The following PCNT variants were observed in gnomAD, a reference collection of about 807,000 sequenced individuals.
PCNT encodes the protein kendrin.
In PCNT, 319 loss-of-function variants were observed where a neutral mutation model predicts 380.4. The ratio of observed to expected loss-of-function variants is 0.84; its 90% CI spans 0.77 to 0.92. The LOEUF (loss-of-function observed/expected upper bound fraction) is 0.92. PCNT is among the 40% of genes least tolerant of loss of function. The pLI is 0.00. For synonymous variants in PCNT, 1,845 were observed against 1,735.2 expected, an observed-to-expected ratio of 1.06 and a Z score of -1.57; for missense variants, 4,400 against 4,255.3, an observed-to-expected ratio of 1.03 and a Z score of -0.95.
chr21:46,385,811 T>G, intron 16 of PCNT, 21 bp from the exon 17 acceptor site: 1 of 1,614,038 alleles, frequency 6.2e-7, no homozygotes, highest in Non-Finnish European at 8.5e-7. Context: ...TAACGAAAGC[T>G]TTAACCATTT....
intron 20 of PCNT, 137 bp downstream of exon 20, chr21:46,390,969 G>A: frequency 8.2e-7 from 1 of 1,215,040 alleles, no homozygotes; most frequent in Non-Finnish European, 1.2e-6. Flanking sequence ...AGGCACCCAT[G>A]GTTTGGGAGG....
chr21:46,435,097 G>C (rs2087911908), intron 38 of PCNT, among the ~76,000 whole-genome samples: 1 of 152,234 alleles, frequency 6.6e-6, no homozygotes, highest in Non-Finnish European at 1.5e-5. Context: ...CAGTGTGTCA[G>C]CTGTGGGTCC....
At chr21:46,364,788 G>T (rs755960280) in intron 14 of PCNT, among the ~76,000 whole-genome samples, 5 of 152,196 alleles carry the variant, frequency 3.3e-5, no homozygotes, top group Non-Finnish European at 5.9e-5. Context: ...CCCGCTCAGG[G>T]ATTGGAGAAA....
chr21:46,426,553 C>G (rs898682917), intron 33 of PCNT, among the ~76,000 whole-genome samples: 1 of 152,188 alleles, frequency 6.6e-6, no homozygotes, highest in Non-Finnish European at 1.5e-5. Flanking sequence ...CGGACTCGGC[C>G]CATTCCAGCA....
chr21:46,422,003 CG>C lies in PCNT; in HGVS notation c.7062del (p.Ser2355GlnfsTer12). On this transcript the variant is annotated frameshift_variant, in exon 32 of 47. Coordinates refer to ENST00000359568, the MANE Select transcript of PCNT (RefSeq NM_006031.6). LOFTEE classifies it high-confidence loss of function. ...DGSGFGARLS[P>X]GSGGPEAQTA... The stretch of plus-strand genomic sequence containing the variant: ...TCGGGTTTTGGAGCAAGACTGAGCC[CG>C]GGGTCAGGAGGCCCTGAGGCTCAAA... 6.2e-7 allele frequency: 1 copy of C among 1,614,084 alleles called. No homozygotes were observed. The highest frequency in any genetic ancestry group is 8.5e-7 in the Non-Finnish European group (1 of 1,180,014).
At chr21:46,423,461 G>C (rs1291076046) in intron 32 of PCNT, among the ~76,000 whole-genome samples, 2 of 151,718 alleles carry the variant, frequency 1.3e-5, no homozygotes, top group Non-Finnish European at 2.9e-5. Context: ...AAGGTGCTGG[G>C]ATTACAGTGT....
At chr21:46,359,506 T>TTTTTTTTTTTTTTTTTTTTTTTTTTTTC (rs1384504010) in intron 13 of PCNT, among the ~76,000 whole-genome samples, 1 of 126,230 alleles carries the variant, frequency 7.9e-6, no homozygotes, top group African/African-American at 2.9e-5. Flanking sequence ...TTTTTTTTTT[T>TTTTTTTTTTTTTTTTTTTTTTTTTTTTC]TGAGACAGTG....
chr21:46,326,619 T>C, intron 2 of PCNT, 30 bp downstream of exon 2: 2 of 1,595,176 alleles, frequency 1.3e-6, no homozygotes, highest in South Asian at 1.1e-5. Flanking sequence ...TATTTGAACA[T>C]TTCGCTTATC....
At chr21:46,336,885 C>CA (rs1009546575) in intron 3 of PCNT, among the ~76,000 whole-genome samples, 2 of 151,868 alleles carry the variant, frequency 1.3e-5, no homozygotes, top group African/African-American at 4.8e-5. Flanking sequence ...TTCTGCCCTC[C>CA]CCCCCAGGTT....
At position 46,385,914 on chromosome 21, in the gene PCNT, G is replaced by A. The variant is rs200148867; in HGVS notation, c.3395G>A (p.Arg1132Gln). ...GAGGTGCTGCAGCAGAGGCGGGAGC[G>A]GGAGAACCGGGAAGGCGCAAACCTC... ...ELEVLQQRRE[R>Q]ENREGANLLS... Residue 1132 changes from arginine to glutamine, a missense_variant, in exon 17 of 47, where the codon CGG becomes CAG. Transcript: ENST00000359568. The A allele has an allele frequency of 6.4e-5, 104 of 1,614,076 alleles. 2 individuals are homozygous for A. In the East Asian group the frequency reaches 8.2e-4, roughly 13 times the overall value.
chr21:46,416,584 T>C lies in PCNT; in HGVS notation c.6666T>C (p.Ser2222=). The part of the protein sequence containing the change: ...RKSPVGMLDL[S]SWSSPEVLRK... ...GCCCGGTCGGGATGCTGGACCTGTC[T>C]TCCTGGAGCTCCCCTGAGGTCCTCA... The change falls in exon 30 of 47, where the codon TCT becomes TCC. Residue 2222 remains serine (S), a synonymous_variant. Transcript: ENST00000359568. 1 of 1,608,336 alleles carries C rather than the reference T, an allele frequency of 6.2e-7. No individual in the cohort carries two copies. The highest frequency in any genetic ancestry group is 2.2e-5 in the East Asian group (1 of 44,852).
At position 46,349,129 on chromosome 21, in the gene PCNT, T is replaced by C. The variant is rs911239302; in HGVS notation, c.1150T>C (p.Leu384=). ...TTTACAAAACCAGTTTCAGAAAGAA[T>C]TGGCAGAACAGAGAGCTGAGTTGGA... ...EDLQNQFQKE[L]AEQRAELEKI... is the part of the protein sequence containing the mutation. The change falls in exon 7 of 47, where the codon TTG becomes CTG. Residue 384 remains leucine, a synonymous_variant. Coordinates refer to ENST00000359568, the MANE Select transcript of PCNT (RefSeq NM_006031.6). 1.2e-6 allele frequency: 2 copies of C among 1,613,708 alleles called. No homozygotes were observed. The highest frequency in any genetic ancestry group is 1.1e-5 in the South Asian group (1 of 91,074).
At position 46,416,924 on chromosome 21, in the gene PCNT, ACCT is replaced by A. The variant is rs1468411512; in HGVS notation, c.6921+89_6921+91del. 5 of 1,375,736 alleles carry A rather than the reference ACCT, an allele frequency of 3.6e-6. No homozygotes were observed. The African/African-American group carries it at 4.3e-5, about 12-fold the overall frequency. The allele number at this position is 1,375,736 out of a possible 1,614,324, so 85.2% of individuals were successfully genotyped here. A position where few individuals can be genotyped will look rare whatever the true frequency, so the allele number is the denominator to read the frequency against. ...CCACGGCAGCTGCCATTGTTTGTTC[ACCT>A]CCTGACAGCACACACCTCGCAGTGC... is the stretch of plus-strand genomic sequence containing the variant. On this transcript the variant is annotated intron_variant, in intron 30 of 46. Coordinates refer to ENST00000359568, the MANE Select transcript of PCNT (RefSeq NM_006031.6).
Position 46,346,911 on chromosome 21 carries a change from A to G in PCNT, c.889A>G (p.Ser297Gly), listed in dbSNP as rs1042835525. Reference protein sequence around the residue: ...RRAQELALLQSRQQHELELLR... With the variant: ...RRAQELALLQGRQQHELELLR... ...TGCCCAGGAGCTGGCCCTGCTACAG[A>G]GCAGGCAGCAGCACGAGCTGGAGCT... Residue 297 changes from serine (S) to glycine (G), a missense_variant, in exon 5 of 47, where the codon AGC (serine) becomes GGC (glycine). Ser to Gly is a moderately conservative substitution (Grantham distance 56). Transcript: ENST00000359568. 1.2e-6 allele frequency: 2 copies of G among 1,601,946 alleles called. No individual in the cohort carries two copies. The highest frequency in any genetic ancestry group is 1.3e-5 in the African/African-American group (1 of 74,980).
Position 46,363,482 on chromosome 21 carries a change from A to AGTT in PCNT, c.2157_2158insGTT (p.Val719dup), listed in dbSNP as rs1247524877. On this transcript the variant is annotated inframe_insertion, in exon 14 of 47. Transcript: ENST00000359568. Reference sequence around the variant, plus strand: ...AAATGAAATTATGTTGTCTGTAGGTAAAACACAATCTAATTGAAGACCACC... The same window carrying AGTT: ...AAATGAAATTATGTTGTCTGTAGGTAGTTAAACACAATCTAATTGAAGACCACC... 1.9e-6 allele frequency: 3 copies of AGTT among 1,609,818 alleles called. No homozygotes were observed. In the African/African-American group the frequency reaches 4.0e-5, roughly 22 times the overall value.
chr21:46,427,481 C>G lies in PCNT; in HGVS notation c.7321-141C>G, dbSNP rs560478483. The stretch of plus-strand genomic sequence containing the variant: ...AGACAGCGAGTGAGCTCTGGTGTCT[C>G]TTCCTCTTCTTAAGAGGCCTCATTT... On this transcript the variant is annotated intron_variant, in intron 33 of 46. Transcript: ENST00000359568. The G allele has an allele frequency of 3.6e-4, 312 of 876,632 alleles. 1 individual carries two copies. The African/African-American group carries it at 4.2e-3, about 12-fold the overall frequency. 54.3% of individuals were successfully genotyped at this position (876,632 alleles called of 1,614,324 possible).
rs112277713 is a variant in PCNT, at chr21:46,388,393, G to A, written c.3465-349G>A. ...GCACCCTGTGCTCCAGGGGAGGGGCGGAGCCTGTGTGCTGCTCCCGGGTGA... is the reference window on the plus strand; with the variant it reads ...GCACCCTGTGCTCCAGGGGAGGGGCAGAGCCTGTGTGCTGCTCCCGGGTGA... On this transcript the variant is annotated intron_variant, in intron 17 of 46. Coordinates refer to ENST00000359568, the MANE Select transcript of PCNT (RefSeq NM_006031.6). This position sits in a 1 kb window ranked among gnomAD's most constrained non-coding sequence, Gnocchi z 4.2. Among the ~76,000 whole-genome samples the A allele has an allele frequency of 3.9e-5, 6 of 152,318 alleles. 1 individual carries two copies. Among genetic ancestry groups the A allele is most frequent in the African/African-American group, 1.2e-4 (5 of 41,578 alleles).
In PCNT at chr21:46,413,085, C is replaced by T. The variant is rs554064968; in HGVS notation, c.6150+93C>T. ...GAGCGGGGAAGGCACGAGGCCCACCCGGGAGAGGCTGGACACGCGGCAGCA... is the reference window on the plus strand; with the variant it reads ...GAGCGGGGAAGGCACGAGGCCCACCTGGGAGAGGCTGGACACGCGGCAGCA... On this transcript the variant is annotated intron_variant, in intron 29 of 46. Coordinates refer to ENST00000359568, the MANE Select transcript of PCNT (RefSeq NM_006031.6). 5.6e-4 allele frequency: 310 copies of T among 555,678 alleles called. 1 individual carries two copies. Among genetic ancestry groups the T allele is most frequent in the Non-Finnish European group, 7.5e-4 (234 of 313,264 alleles). The allele number at this position is 555,678 out of a possible 1,614,324, so 34.4% of individuals were successfully genotyped here. A position where few individuals can be genotyped will look rare whatever the true frequency, so the allele number is the denominator to read the frequency against.
At chr21:46,443,484 A>T (rs758910088) in intron 44 of PCNT, among the ~76,000 whole-genome samples, 5 of 152,084 alleles carry the variant, frequency 3.3e-5, no homozygotes, top group Admixed American at 6.5e-5. Context: ...TCTGAGTCAC[A>T]CCTGGTGGTC....
Sources: allele counts gnomAD v4.1 joint callset (sites outside exome capture counted in the v4.1 genomes callset), GRCh38; gene constraint gnomAD v4.1.1; non-coding constraint Gnocchi (gnomAD v3.1); transcripts MANE v1.5; gene names NCBI Gene and HGNC (gene_info 2026-07-23, HGNC 2026-07-21).